The following PAWR variants were observed in gnomAD, a reference collection of about 807,000 sequenced individuals.
The protein encoded by PAWR is pro-apoptotic WT1 regulator.
Under a neutral mutation model 32.0 loss-of-function variants are expected in PAWR, and 23 were observed. The ratio of observed to expected loss-of-function variants is 0.72; its 90% CI spans 0.52 to 1.02. PAWR has a LOEUF of 1.02. Ranked by LOEUF, PAWR falls within the 50% of genes least tolerant of loss-of-function variation. The pLI, the probability that PAWR is intolerant of heterozygous loss-of-function variation, is 0.00. For missense variants in PAWR, 457 were observed against 437.7 expected (o/e 1.04, Z -0.39); for synonymous variants, 226 against 187.1 (o/e 1.21, Z -1.70).
intron 2 of PAWR, among the ~76,000 whole-genome samples, chr12:79,658,466 A>G (rs558633024): frequency 6.6e-6 from 1 of 152,168 alleles, no homozygotes; most frequent in Non-Finnish European, 1.5e-5. Flanking sequence ...CAAGCAGAGA[A>G]AAAAGATTTT....
intron 2 of PAWR, among the ~76,000 whole-genome samples, chr12:79,678,560 A>G (rs899764797): frequency 2.0e-5 from 3 of 152,280 alleles, no homozygotes; most frequent in African/African-American, 7.2e-5. Context: ...TTGAGGCTCA[A>G]CTTCCTCATC....
intron 3 of PAWR, among the ~76,000 whole-genome samples, chr12:79,615,361 T>C (rs954573061): frequency 5.3e-5 from 8 of 152,136 alleles, no homozygotes; most frequent in East Asian, 1.9e-4. Context: ...ACTTCCTTAG[T>C]AATCTGCAGT....
At chr12:79,601,742 CTTCA>C (rs1873971971) in intron 4 of PAWR, among the ~76,000 whole-genome samples, 1 of 151,904 alleles carries the variant, frequency 6.6e-6, no homozygotes, top group Non-Finnish European at 1.5e-5. Flanking sequence ...ATTGAATATG[CTTCA>C]TTATTTCTGA....
intron 3 of PAWR, among the ~76,000 whole-genome samples, chr12:79,615,176 C>A (rs556899845): frequency 6.6e-6 from 1 of 152,212 alleles, no homozygotes; most frequent in East Asian, 1.9e-4. Flanking sequence ...ATTACAGAAG[C>A]CTATATCACT....
chr12:79,632,328 TATATATATATATATATATATATATA>T lies in PAWR; in HGVS notation c.517-11146_517-11122del, dbSNP rs1566010935. Among the ~76,000 whole-genome samples, 4 of 34,266 alleles carry T rather than the reference TATATATATATATATATATATATATA, an allele frequency of 1.2e-4. No homozygotes were observed. The African/African-American group carries it at 1.5e-3, about 13-fold the overall frequency. 22.5% of individuals were successfully genotyped at this position (34,266 alleles called of 152,430 possible). ...ATATACATACATATATATATATATA[TATATATATATATATATATATATATA>T]TATATATATTTTTTTTTTTTTTTAG... On this transcript the variant is annotated intron_variant, in intron 2 of 6. Transcript: ENST00000328827.
At chr12:79,683,964 C>T (rs1405262925) in intron 2 of PAWR, among the ~76,000 whole-genome samples, 1 of 151,966 alleles carries the variant, frequency 6.6e-6, no homozygotes, top group Non-Finnish European at 1.5e-5. Context: ...AAGTTAATGG[C>T]TTCTCATAAT....
At chr12:79,602,650 A>G (rs1301992221) in intron 4 of PAWR, among the ~76,000 whole-genome samples, 1 of 152,198 alleles carries the variant, frequency 6.6e-6, no homozygotes. Context: ...AACTACTGAA[A>G]TCCATCAGGT....
At chr12:79,613,861 G>A (rs1181921265) in intron 3 of PAWR, among the ~76,000 whole-genome samples, 4 of 136,670 alleles carry the variant, frequency 2.9e-5, no homozygotes, top group Non-Finnish European at 4.7e-5. Context: ...GGACAAGGCC[G>A]GGGGCATCAC....
chr12:79,617,506 T>G (rs1212174021), intron 3 of PAWR, among the ~76,000 whole-genome samples: 1 of 152,090 alleles, frequency 6.6e-6, no homozygotes, highest in Non-Finnish European at 1.5e-5. Flanking sequence ...TTCTATATCC[T>G]GGCCAAAAAG....
chr12:79,662,205 A>C (rs998650782), intron 2 of PAWR, among the ~76,000 whole-genome samples: 6 of 150,466 alleles, frequency 4.0e-5, no homozygotes, highest in South Asian at 4.2e-4. Flanking sequence ...ATCTCTCAAA[A>C]AAAAAAAAAA....
chr12:79,605,801 C>T (rs1874154270), intron 4 of PAWR, among the ~76,000 whole-genome samples: 1 of 152,130 alleles, frequency 6.6e-6, no homozygotes, highest in Non-Finnish European at 1.5e-5. Context: ...TGGCCAGGTG[C>T]AGTGGCTCAC....
chr12:79,595,786 A>T (rs980505702), intron 5 of PAWR, among the ~76,000 whole-genome samples: 26 of 152,178 alleles, frequency 1.7e-4, no homozygotes, highest in African/African-American at 6.3e-4. Context: ...TGGGAAGTGG[A>T]GGTTGCAGTG....
intron 4 of PAWR, among the ~76,000 whole-genome samples, chr12:79,600,942 G>A (rs1873938339): frequency 6.6e-6 from 1 of 152,100 alleles, no homozygotes; most frequent in Non-Finnish European, 1.5e-5. Flanking sequence ...ATGTGATGAT[G>A]ACAAGTCAAA....
In PAWR at chr12:79,621,128, A is replaced by C. The variant is rs1487563153; in HGVS notation, c.596T>G (p.Ile199Ser). 1.9e-6 allele frequency: 3 copies of C among 1,608,068 alleles called. No individual in the cohort carries two copies. The highest frequency in any genetic ancestry group is 2.6e-6 in the Non-Finnish European group (3 of 1,175,408). Residue 199 changes from isoleucine to serine, a missense_variant, in exon 3 of 7, where the codon ATT (isoleucine) becomes AGT (serine). By Grantham distance (142) the Ile-to-Ser change is moderately radical (BLOSUM62 -2). Coordinates refer to ENST00000328827, the MANE Select transcript of PAWR (RefSeq NM_002583.4). ...REDAITQQNT[I>S]QNEAVNLLDP... ...TAGTAAGTTTACAGCTTCATTCTGAATAGTGTTCTGTTGTGTAATTGCATC... is the reference window on the plus strand; with the variant it reads ...TAGTAAGTTTACAGCTTCATTCTGACTAGTGTTCTGTTGTGTAATTGCATC...
chr12:79,596,847 T>G, intron 4 of PAWR, 189 bp from the exon 5 acceptor site: 2 of 507,874 alleles, frequency 3.9e-6, no homozygotes, highest in Non-Finnish European at 6.8e-6. Flanking sequence ...TACCATTAAT[T>G]CTTTCGACCA....
Position 79,672,005 on chromosome 12 carries a change from T to C in PAWR, c.516+17724A>G, listed in dbSNP as rs147517554. 2.8e-3 allele frequency among the ~76,000 whole-genome samples: 425 copies of C among 152,334 alleles called. 3 individuals are homozygous for C. Among genetic ancestry groups the C allele is most frequent in the African/African-American group, 9.0e-3 (374 of 41,588 alleles). On this transcript the variant is annotated intron_variant, in intron 2 of 6. Coordinates refer to ENST00000328827, the MANE Select transcript of PAWR (RefSeq NM_002583.4). Reference sequence around the variant, plus strand: ...GTTAATGGCATCAGCATCCACCCAATTGCTCTAAAGGAAAACCTAATTATC... The same window carrying C: ...GTTAATGGCATCAGCATCCACCCAACTGCTCTAAAGGAAAACCTAATTATC...
chr12:79,662,201 C>CAAAAAAAAAAAAA, intron 2 of PAWR, among the ~76,000 whole-genome samples: 2 of 45,710 alleles, frequency 4.4e-5, no homozygotes, highest in Non-Finnish European at 9.9e-5. Flanking sequence ...AGACATCTCT[C>CAAAAAAAAAAAAA]AAAAAAAAAA....
chr12:79,662,334 C>G (rs558723960), intron 2 of PAWR, among the ~76,000 whole-genome samples: 1 of 152,082 alleles, frequency 6.6e-6, no homozygotes, highest in African/African-American at 2.4e-5. Flanking sequence ...CTTGTTTAAC[C>G]CTAACAACCA....
intron 2 of PAWR, among the ~76,000 whole-genome samples, chr12:79,679,625 T>C (rs1308896380): frequency 1.3e-5 from 2 of 152,174 alleles, no homozygotes; most frequent in Non-Finnish European, 2.9e-5. Context: ...ATAAAATCCC[T>C]GATACGGCAG....
Sources: gnomAD v4.1 joint callset for allele counts (sites outside exome capture counted in the v4.1 genomes callset) on GRCh38, gnomAD v4.1.1 for gene constraint, MANE v1.5 for transcripts, NCBI Gene and HGNC (gene_info 2026-07-23, HGNC 2026-07-21) for gene names.